C18orf63: variants seen among roughly 807,000 people sequenced by gnomAD.
C18orf63 encodes the protein chromosome 18 open reading frame 63.
In C18orf63, 50 loss-of-function variants were observed where a neutral mutation model predicts 75.3. That is an observed-to-expected ratio of 0.66 (90% CI 0.53 to 0.84). The LOEUF is 0.84. Ranked by LOEUF, C18orf63 falls within the 40% of genes least tolerant of loss-of-function variation. C18orf63 has a pLI of 0.00. For missense variants in C18orf63, 732 were observed against 800.2 expected (o/e 0.91, Z 1.03); for synonymous variants, 232 against 267.6 (o/e 0.87, Z 1.30).
intron 6 of C18orf63, 49 bp from the exon 7 acceptor site, chr18:74,330,817 A>G: frequency 1.5e-6 from 1 of 687,596 alleles, no homozygotes; most frequent in Non-Finnish European, 2.4e-6. Context: ...TTAATTTAAT[A>G]GTAGAGTAAT....
rs951661379 is a variant in C18orf63, at chr18:74,338,660, G to A, written c.502-55G>A. 1.4e-5 allele frequency: 10 copies of A among 703,152 alleles called. No homozygotes were observed. In the African/African-American group the frequency reaches 1.8e-4, roughly 13 times the overall value. 43.6% of individuals were successfully genotyped at this position (703,152 alleles called of 1,614,324 possible). The stretch of plus-strand genomic sequence containing the variant: ...GTAACAAATATGTATCTTTTAAAAT[G>A]TTTCCTTTTTTGCCAAATGATTTGA... On this transcript the variant is annotated intron_variant, in intron 7 of 13. Transcript: ENST00000579455.
intron 7 of C18orf63, among the ~76,000 whole-genome samples, chr18:74,333,837 T>C (rs1224888899): frequency 6.6e-6 from 1 of 152,080 alleles, no homozygotes; most frequent in Non-Finnish European, 1.5e-5. Flanking sequence ...ACACCAAAAA[T>C]TGGGCAATAA....
chr18:74,325,198 G>C (rs973203499), intron 4 of C18orf63, among the ~76,000 whole-genome samples: 7 of 152,034 alleles, frequency 4.6e-5, no homozygotes, highest in African/African-American at 1.4e-4. Context: ...AAACACGTTC[G>C]TGCTATATAT....
At chr18:74,334,614 G>C (rs974186224) in intron 7 of C18orf63, among the ~76,000 whole-genome samples, 9 of 152,004 alleles carry the variant, frequency 5.9e-5, no homozygotes, top group Admixed American at 5.9e-4. Flanking sequence ...CTGAGATTCT[G>C]GTTTTTTTCT....
intron 7 of C18orf63, among the ~76,000 whole-genome samples, chr18:74,332,505 C>G (rs930442487): frequency 3.9e-5 from 6 of 152,078 alleles, no homozygotes; most frequent in South Asian, 2.1e-4. Context: ...GAGTATAAGA[C>G]CAGCCTGGCC....
chr18:74,353,708 C>A lies in C18orf63; in HGVS notation c.1441C>A (p.Leu481Met), dbSNP rs1200472470. Residue 481 changes from leucine (L) to methionine (M), a missense_variant, in exon 12 of 14, where the codon CTG becomes ATG. By Grantham distance (15) the Leu-to-Met change is conservative (BLOSUM62 2). Transcript: ENST00000579455. ...AACTAGTATGATCCAGCATGACAAA[C>A]TGAATTTAGGTCCAGCTATAAAAAA... is the stretch of plus-strand genomic sequence containing the variant. ...LKTSMIQHDK[L>M]NLGPAIKNRY... 3.3e-6 allele frequency: 5 copies of A among 1,535,894 alleles called. No homozygotes were observed. In the Admixed American group the frequency reaches 5.9e-5, roughly 18 times the overall value.
At chr18:74,344,656 T>G (rs915425589) in intron 11 of C18orf63, among the ~76,000 whole-genome samples, 1 of 152,160 alleles carries the variant, frequency 6.6e-6, no homozygotes, top group Non-Finnish European at 1.5e-5. Context: ...TTGAACTTCA[T>G]GTAAAATAAA....
intron 8 of C18orf63, among the ~76,000 whole-genome samples, chr18:74,341,735 A>C (rs1043388992): frequency 1.3e-4 from 20 of 149,532 alleles, no homozygotes; most frequent in African/African-American, 4.7e-4. Context: ...GTCTACCACA[A>C]AAAAAAAAAG....
chr18:74,342,097 A>G lies in C18orf63; in HGVS notation c.677A>G (p.Tyr226Cys). The change falls in exon 9 of 14, where the codon TAT (tyrosine) becomes TGT (cysteine). Residue 226 changes from tyrosine (Y) to cysteine (C), a missense_variant. Coordinates refer to ENST00000579455, the MANE Select transcript of C18orf63 (RefSeq NM_001174123.2). Reference sequence around the variant, plus strand: ...CCCGCTGCCTGTCCTTTTCACTCATATGGAGATTTCCAGAGACACTGGGAT... The same window carrying G: ...CCCGCTGCCTGTCCTTTTCACTCATGTGGAGATTTCCAGAGACACTGGGAT... ...AIPAACPFHS[Y>C]GDFQRHWDAL... is the part of the protein sequence containing the mutation. 4 of 1,525,296 alleles carry G rather than the reference A, an allele frequency of 2.6e-6. No individual in the cohort carries two copies. The highest frequency in any genetic ancestry group is 2.6e-6 in the Non-Finnish European group (3 of 1,137,540). 94.5% of individuals were successfully genotyped at this position (1,525,296 alleles called of 1,614,324 possible).
chr18:74,330,119 C>T (rs1984280431), intron 6 of C18orf63, among the ~76,000 whole-genome samples: 1 of 152,194 alleles, frequency 6.6e-6, no homozygotes, highest in Admixed American at 6.5e-5. Flanking sequence ...CATGAGACTA[C>T]AACTGTAGGG....
chr18:74,342,840 G>C (rs1157522288), intron 10 of C18orf63, among the ~76,000 whole-genome samples: 1 of 152,070 alleles, frequency 6.6e-6, no homozygotes, highest in Non-Finnish European at 1.5e-5. Flanking sequence ...CACGAGAAGA[G>C]CATAAGTGCT....
At chr18:74,345,883 C>T (rs368537193) in intron 11 of C18orf63, among the ~76,000 whole-genome samples, 2 of 151,744 alleles carry the variant, frequency 1.3e-5, no homozygotes, top group Non-Finnish European at 2.9e-5. Flanking sequence ...TCTGATAAAG[C>T]ATCTTATCTA....
At chr18:74,330,412 A>G (rs1169295544) in intron 6 of C18orf63, among the ~76,000 whole-genome samples, 1 of 152,186 alleles carries the variant, frequency 6.6e-6, no homozygotes, top group Non-Finnish European at 1.5e-5. Context: ...AAAGACTTCA[A>G]GGCTCTAGGA....
intron 3 of C18orf63, 62 bp from the exon 4 acceptor site, chr18:74,322,636 G>A (rs893716969): frequency 4.9e-5 from 25 of 514,798 alleles, no homozygotes; most frequent in Admixed American, 2.9e-4. Flanking sequence ...AATCTTTATT[G>A]CATTATTTAA....
intron 4 of C18orf63, among the ~76,000 whole-genome samples, chr18:74,326,829 C>CTTAATTT (rs1984216272): frequency 6.6e-6 from 1 of 152,096 alleles, no homozygotes; most frequent in Non-Finnish European, 1.5e-5. Context: ...AAGTGAAAAT[C>CTTAATTT]TTAATTTTTA....
At chr18:74,318,740 A>G (rs1984069331) in intron 2 of C18orf63, among the ~76,000 whole-genome samples, 1 of 151,930 alleles carries the variant, frequency 6.6e-6, no homozygotes, top group Non-Finnish European at 1.5e-5. Flanking sequence ...CAGTGAGCCA[A>G]GACTGTGCCA....
chr18:74,344,934 T>C (rs1392249129), intron 11 of C18orf63, among the ~76,000 whole-genome samples: 3 of 152,064 alleles, frequency 2.0e-5, no homozygotes, highest in East Asian at 1.9e-4. Context: ...AGGAGTAGAA[T>C]TGGTATGGGT....
intron 2 of C18orf63, among the ~76,000 whole-genome samples, chr18:74,318,208 G>A (rs1415790544): frequency 6.6e-6 from 1 of 152,164 alleles, no homozygotes; most frequent in Non-Finnish European, 1.5e-5. Context: ...TTATCTCACT[G>A]TTGAGTTTTT....
chr18:74,318,354 A>T (rs191122712), intron 2 of C18orf63, among the ~76,000 whole-genome samples: 153 of 152,314 alleles, frequency 1.0e-3, no homozygotes, highest in Admixed American at 1.4e-3. Flanking sequence ...TCCAGTAGGT[A>T]TTTCCAGTAG....
Sources: gnomAD v4.1 joint callset for allele counts (sites outside exome capture counted in the v4.1 genomes callset) on GRCh38, gnomAD v4.1.1 for gene constraint, MANE v1.5 for transcripts, NCBI Gene and HGNC (gene_info 2026-07-23, HGNC 2026-07-21) for gene names.